The following ZPLD1 variants were observed in gnomAD, a reference collection of about 807,000 sequenced individuals.
ZPLD1 encodes zona pellucida like domain containing 1, also known as zona pellucida-like domain-containing protein 1.
ZPLD1 carries 34 observed loss-of-function variants against 47.2 expected under a neutral mutation model. That is an observed-to-expected ratio of 0.72 (90% CI 0.55 to 0.96). The LOEUF (loss-of-function observed/expected upper bound fraction) is 0.96, where lower values mean the gene tolerates loss of function less well. Among genes scored for constraint, ZPLD1 ranks in the 40% least tolerant of loss-of-function variants. ZPLD1 has a pLI of 0.00. For missense variants in ZPLD1, 512 were observed against 505.8 expected (o/e 1.01, Z -0.12); for synonymous variants, 176 against 186.2 (o/e 0.95, Z 0.45).
intron 7 of ZPLD1, among the ~76,000 whole-genome samples, chr3:102,406,211 T>C (rs2107295420): frequency 6.6e-6 from 1 of 151,942 alleles, no homozygotes; most frequent in East Asian, 1.9e-4. Context: ...TAAATTAACT[T>C]TGAAACCATG....
intron 6 of ZPLD1, among the ~76,000 whole-genome samples, chr3:102,460,345 G>C (rs1232220640): frequency 6.6e-6 from 1 of 151,932 alleles, no homozygotes; most frequent in Non-Finnish European, 1.5e-5. Flanking sequence ...TTATTTTTAT[G>C]TGCTCTGGGA....
At chr3:102,387,946 C>T (rs564688402) in intron 6 of ZPLD1, among the ~76,000 whole-genome samples, 29 of 150,474 alleles carry the variant, frequency 1.9e-4, no homozygotes, top group Admixed American at 6.0e-4. Context: ...CTGCAAGCTC[C>T]GCCTCCTGGG....
chr3:102,436,872 T>C lies in ZPLD1; in HGVS notation c.-110T>C. ...TGTAATTTCTTAGGATACACCTCTG[T>C]GTTGGGGACAACAGTGTGGGTCTAG... On this transcript the variant is annotated 5_prime_UTR_variant, in exon 2 of 12. Transcript: ENST00000466937. 1.0e-6 allele frequency: 1 copy of C among 985,302 alleles called. No homozygotes were observed. Among genetic ancestry groups the C allele is most frequent in the Middle Eastern group, 5.2e-4 (1 of 1,914 alleles). 61.0% of individuals were successfully genotyped at this position (985,302 alleles called of 1,614,324 possible). A position where few individuals can be genotyped will look rare whatever the true frequency, so the allele number is the denominator to read the frequency against.
intron 7 of ZPLD1, among the ~76,000 whole-genome samples, chr3:102,412,685 T>C (rs1371506050): frequency 6.6e-6 from 1 of 151,712 alleles, no homozygotes; most frequent in Non-Finnish European, 1.5e-5. Flanking sequence ...AAGGATGAAT[T>C]TGCTGATAGT....
intron 8 of ZPLD1, among the ~76,000 whole-genome samples, chr3:102,421,806 T>TA (rs879705724): frequency 6.0e-5 from 9 of 150,972 alleles, no homozygotes; most frequent in East Asian, 1.9e-4. Context: ...TAGTGAGACT[T>TA]AAAAAAAAAC....
intron 9 of ZPLD1, among the ~76,000 whole-genome samples, chr3:102,469,659 T>C (rs1221201651): frequency 1.3e-5 from 2 of 151,938 alleles, no homozygotes; most frequent in Non-Finnish European, 2.9e-5. Flanking sequence ...TTCAGTAGGG[T>C]TGTAGAGCAG....
chr3:102,476,137 T>C (rs1707754856), intron 10 of ZPLD1, among the ~76,000 whole-genome samples: 1 of 152,118 alleles, frequency 6.6e-6, no homozygotes. Flanking sequence ...GAAACAGCAG[T>C]TTATGAACTA....
At chr3:102,441,767 T>C (rs1707182690) in intron 3 of ZPLD1, among the ~76,000 whole-genome samples, 1 of 152,054 alleles carries the variant, frequency 6.6e-6, no homozygotes, top group Non-Finnish European at 1.5e-5. Context: ...ATATAGACAA[T>C]AACTAGTCCT....
chr3:102,472,288 T>C (rs537181973), intron 10 of ZPLD1, among the ~76,000 whole-genome samples: 1 of 152,204 alleles, frequency 6.6e-6, no homozygotes, highest in East Asian at 1.9e-4. Flanking sequence ...TCCCAGCACT[T>C]TGGGAGGCTG....
At chr3:102,395,082 C>T (rs914205438) in intron 7 of ZPLD1, among the ~76,000 whole-genome samples, 4 of 151,980 alleles carry the variant, frequency 2.6e-5, no homozygotes. Context: ...TAGATGATAA[C>T]CTTTACTGAC....
upstream of ZPLD1, among the ~76,000 whole-genome samples, chr3:102,431,769 C>T (rs569975526): frequency 5.3e-5 from 8 of 152,210 alleles, no homozygotes; most frequent in South Asian, 2.1e-4. Context: ...ATTAGCTGGA[C>T]GTGGTGGCGG....
intron 7 of ZPLD1, among the ~76,000 whole-genome samples, chr3:102,411,093 T>G (rs951053225): frequency 1.3e-5 from 2 of 151,764 alleles, no homozygotes; most frequent in Non-Finnish European, 2.9e-5. Context: ...CCCAGCTGTG[T>G]TCATTGTGGG....
intron 7 of ZPLD1, among the ~76,000 whole-genome samples, chr3:102,411,869 T>G (rs1213779239): frequency 6.6e-6 from 1 of 151,804 alleles, no homozygotes; most frequent in African/African-American, 2.4e-5. Context: ...TCTGTCGATC[T>G]CAATGTCTTA....
chr3:102,477,508 A>ATTC lies in ZPLD1; in HGVS notation c.1140_1142dup (p.Leu381dup). The ATTC allele has an allele frequency of 1.2e-6, 2 of 1,613,868 alleles. No homozygotes were observed. The highest frequency in any genetic ancestry group is 1.7e-6 in the Non-Finnish European group (2 of 1,179,780). On this transcript the variant is annotated inframe_insertion, in exon 12 of 12. Transcript: ENST00000466937. The stretch of plus-strand genomic sequence containing the variant: ...CAGCGCACTGATATCAGGAATGGTC[A>ATTC]TTCTGGGAGTTACGAGCTTTTCTCT...
intron 11 of ZPLD1, 94 bp downstream of exon 11, chr3:102,477,135 C>T (rs1022611794): frequency 2.9e-6 from 4 of 1,400,328 alleles, no homozygotes; most frequent in Admixed American, 3.4e-5. Context: ...TTGAGTTTTC[C>T]AAGTTTGGTC....
chr3:102,452,918 G>A lies in ZPLD1; in HGVS notation c.107-1G>A. The A allele has an allele frequency of 1.9e-6, 3 of 1,612,516 alleles. No individual in the cohort carries two copies. The highest frequency in any genetic ancestry group is 1.7e-5 in the Admixed American group (1 of 59,972). ...TTGTTTTTTATATATTTTTATTTCAGCTGAAAGAGACATCAGTGTCTATTG... is the reference window on the plus strand; with the variant it reads ...TTGTTTTTTATATATTTTTATTTCAACTGAAAGAGACATCAGTGTCTATTG... On this transcript the variant is annotated splice_acceptor_variant, in intron 3 of 11. Coordinates refer to ENST00000466937, the MANE Select transcript of ZPLD1 (RefSeq NM_001329788.2). LOFTEE classifies it high-confidence loss of function.
chr3:102,405,381 C>T (rs1316060746), intron 7 of ZPLD1, among the ~76,000 whole-genome samples: 1 of 151,990 alleles, frequency 6.6e-6, no homozygotes, highest in Non-Finnish European at 1.5e-5. Context: ...TGTTCCAAAT[C>T]TATGCCTCAT....
chr3:102,432,852 T>C (rs1203629162), upstream of ZPLD1, among the ~76,000 whole-genome samples: 1 of 152,218 alleles, frequency 6.6e-6, no homozygotes, highest in Non-Finnish European at 1.5e-5. Context: ...GGGTTGTTCA[T>C]AATCAATGTT....
chr3:102,457,706 T>C, intron 5 of ZPLD1, 75 bp from the exon 6 acceptor site: 1 of 1,347,120 alleles, frequency 7.4e-7, no homozygotes, highest in Middle Eastern at 1.8e-4. Context: ...GTTTTAGTGC[T>C]TTAAGTCTAA....
Sources: allele counts gnomAD v4.1 joint callset (sites outside exome capture counted in the v4.1 genomes callset), GRCh38; gene constraint gnomAD v4.1.1; transcripts MANE v1.5; gene names NCBI Gene and HGNC (gene_info 2026-07-23, HGNC 2026-07-21).